The following HIVEP3 variants were observed in gnomAD, a reference collection of about 807,000 sequenced individuals.
HIVEP3 encodes HIVEP zinc finger 3.
Under a neutral mutation model 152.8 loss-of-function variants are expected in HIVEP3, and 49 were observed. That is an observed-to-expected ratio of 0.32 (90% CI 0.26 to 0.41). The LOEUF (loss-of-function observed/expected upper bound fraction) is 0.41, where lower values mean the gene tolerates loss of function less well. Among genes scored for constraint, HIVEP3 ranks in the 10% least tolerant of loss-of-function variants. The pLI, the probability that HIVEP3 is intolerant of heterozygous loss-of-function variation, is 1.00. For missense variants in HIVEP3, 2,790 were observed against 3,103.3 expected (o/e 0.90, Z 2.40); for synonymous variants, 1,269 against 1,289.0 (o/e 0.98, Z 0.33).
At chr1:41,814,625 T>C (rs945447317) in intron 1 of HIVEP3, among the ~76,000 whole-genome samples, 4 of 152,232 alleles carry the variant, frequency 2.6e-5, no homozygotes, top group Non-Finnish European at 5.9e-5. Context: ...TGGCCTAAAA[T>C]ATGACTCCCA....
chr1:41,584,693 G>A lies in HIVEP3; in HGVS notation c.105C>T (p.Val35=). 6.4e-7 allele frequency: 1 copy of A among 1,572,146 alleles called. No homozygotes were observed. Among genetic ancestry groups the A allele is most frequent in the African/African-American group, 1.4e-5 (1 of 73,314 alleles). ...CAGCTGTGCCGCTGCCTGGGTATGGGACGCTGGAAGAAACACTGGTCTGAA... is the reference window on the plus strand; with the variant it reads ...CAGCTGTGCCGCTGCCTGGGTATGGAACGCTGGAAGAAACACTGGTCTGAA... ...EAIQTSVSSS[V]PYPGSGTAAT... is the part of the protein sequence containing the mutation. The change falls in exon 4 of 9, where the codon GTC becomes GTT. Residue 35 remains valine, a synonymous_variant. Transcript: ENST00000372583. This position sits in a 1 kb window ranked among gnomAD's most constrained non-coding sequence, Gnocchi z 5.2.
At chr1:41,548,001 G>T (rs1192691794) in intron 5 of HIVEP3, among the ~76,000 whole-genome samples, 1 of 151,888 alleles carries the variant, frequency 6.6e-6, no homozygotes. Context: ...GACCCTGCCA[G>T]TTCCTCCAGA....
intron 3 of HIVEP3, among the ~76,000 whole-genome samples, chr1:41,620,566 C>T (rs541910156): frequency 2.0e-5 from 3 of 152,282 alleles, no homozygotes; most frequent in Non-Finnish European, 4.4e-5. Flanking sequence ...TCTCTCTGCA[C>T]TGCTCACCTT....
intron 5 of HIVEP3, among the ~76,000 whole-genome samples, chr1:41,531,175 AGGGAGGACAGGAGAGAT>A (rs1453197290): frequency 7.2e-6 from 1 of 138,258 alleles, no homozygotes. Flanking sequence ...ACAGGAGCGA[AGGGAGGACAGGAGAGAT>A]GGAGGACTGG....
chr1:41,951,595 C>T (rs1645107532), intron 1 of HIVEP3, among the ~76,000 whole-genome samples: 1 of 152,168 alleles, frequency 6.6e-6, no homozygotes, highest in Non-Finnish European at 1.5e-5. Flanking sequence ...GAAGAAATGT[C>T]TGAGACTGGG....
intron 2 of HIVEP3, among the ~76,000 whole-genome samples, chr1:41,654,490 TTTTAGA>T (rs1278785752): frequency 1.1e-3 from 172 of 152,310 alleles, no homozygotes; most frequent in African/African-American, 4.0e-3. Context: ...TTTGGAATAG[TTTTAGA>T]TTGACAGAAA....
At chr1:41,993,278 A>G (rs1182431864) in intron 1 of HIVEP3, among the ~76,000 whole-genome samples, 8 of 151,778 alleles carry the variant, frequency 5.3e-5, no homozygotes, top group Non-Finnish European at 1.5e-5. Flanking sequence ...TCCAGAATCT[A>G]CAATGAACTC....
chr1:41,916,573 C>T (rs551159294), intron 1 of HIVEP3, among the ~76,000 whole-genome samples: 2 of 152,246 alleles, frequency 1.3e-5, no homozygotes, highest in South Asian at 2.1e-4. Context: ...GACAGCTGTC[C>T]ACCTTCCTTG....
At chr1:41,703,011 T>C (rs1646385395) in intron 1 of HIVEP3, among the ~76,000 whole-genome samples, 1 of 152,238 alleles carries the variant, frequency 6.6e-6, no homozygotes, top group Non-Finnish European at 1.5e-5. Flanking sequence ...CCGGTGCTTT[T>C]TCCTATTGTG....
In HIVEP3 at chr1:41,513,464, C is replaced by T. The variant is rs1189608715; in HGVS notation, c.5757G>A (p.Ser1919=). Residue 1919 remains serine (S), a synonymous_variant, in exon 8 of 9, where the codon TCG becomes TCA. Coordinates refer to ENST00000372583, the MANE Select transcript of HIVEP3 (RefSeq NM_024503.5). ...GTEATRGSSV[S]EAERLTASSC... is the part of the protein sequence containing the mutation. ...TGCTGGCTGTCAGGCGCTCAGCTTCCGAGACCGAGCTGCCTCGTGTAGCCT... is the reference window on the plus strand; with the variant it reads ...TGCTGGCTGTCAGGCGCTCAGCTTCTGAGACCGAGCTGCCTCGTGTAGCCT... The T allele has an allele frequency of 8.1e-6, 13 of 1,611,208 alleles. No homozygotes were observed. Among genetic ancestry groups the T allele is most frequent in the East Asian group, 4.5e-5 (2 of 44,826 alleles).
chr1:41,911,630 C>T (rs952452980), intron 1 of HIVEP3, among the ~76,000 whole-genome samples: 9 of 152,042 alleles, frequency 5.9e-5, no homozygotes, highest in African/African-American at 2.2e-4. Context: ...TAGCAAAATA[C>T]TGGAAATAAG....
intron 1 of HIVEP3, among the ~76,000 whole-genome samples, chr1:41,978,321 C>G (rs1645272589): frequency 6.6e-6 from 1 of 152,130 alleles, no homozygotes; most frequent in Non-Finnish European, 1.5e-5. Context: ...TGTTGAAGCC[C>G]TAAGCCCCGA....
intron 1 of HIVEP3, among the ~76,000 whole-genome samples, chr1:41,760,622 A>T (rs544647964): frequency 6.6e-6 from 1 of 152,280 alleles, no homozygotes; most frequent in Middle Eastern, 3.4e-3. Flanking sequence ...GAAAGAAAAC[A>T]TTTCTCTTCA....
chr1:41,998,456 A>G (rs1645407694), intron 1 of HIVEP3, among the ~76,000 whole-genome samples: 1 of 152,206 alleles, frequency 6.6e-6, no homozygotes, highest in Non-Finnish European at 1.5e-5. Flanking sequence ...ATGATGTCAT[A>G]CTTTTTGCTA....
chr1:41,601,089 C>T (rs1644742106), intron 3 of HIVEP3, among the ~76,000 whole-genome samples: 1 of 152,094 alleles, frequency 6.6e-6, no homozygotes, highest in Admixed American at 6.6e-5. Flanking sequence ...ATTTCGGGTT[C>T]TCTGTTCTGT....
intron 1 of HIVEP3, among the ~76,000 whole-genome samples, chr1:41,816,799 T>C (rs1331635972): frequency 6.6e-6 from 1 of 152,212 alleles, no homozygotes; most frequent in Non-Finnish European, 1.5e-5. Flanking sequence ...AAAGAAGGGC[T>C]ACAAACTTGC....
chr1:41,980,934 G>A (rs1353958504), intron 1 of HIVEP3, among the ~76,000 whole-genome samples: 3 of 152,188 alleles, frequency 2.0e-5, no homozygotes, highest in Non-Finnish European at 4.4e-5. Flanking sequence ...ATGTTAGGAG[G>A]ATGGGCCTGC....
At chr1:41,552,096 G>T (rs1295100475) in intron 5 of HIVEP3, among the ~76,000 whole-genome samples, 1 of 152,040 alleles carries the variant, frequency 6.6e-6, no homozygotes, top group African/African-American at 2.4e-5. Flanking sequence ...TGTTCTCATT[G>T]GTTTCAAATA....
intron 1 of HIVEP3, among the ~76,000 whole-genome samples, chr1:41,929,386 C>T (rs566430113): frequency 6.6e-6 from 1 of 152,162 alleles, no homozygotes; most frequent in Non-Finnish European, 1.5e-5. Context: ...GGTTCCTGTA[C>T]TCTGCATATT....
Sources: allele counts gnomAD v4.1 joint callset (sites outside exome capture counted in the v4.1 genomes callset), GRCh38; gene constraint gnomAD v4.1.1; non-coding constraint Gnocchi (gnomAD v3.1); transcripts MANE v1.5; gene names NCBI Gene and HGNC (gene_info 2026-07-23, HGNC 2026-07-21).